Variants in GPBP1L1 observed in about 807,000 individuals in gnomAD.
GPBP1L1 encodes the protein vasculin-like protein 1.
A neutral mutation model predicts 52.5 loss-of-function variants in GPBP1L1; 23 were observed. That is an observed-to-expected ratio of 0.44 (90% CI 0.32 to 0.62). GPBP1L1 has a LOEUF of 0.62. Among genes scored for constraint, GPBP1L1 ranks in the 20% least tolerant of loss-of-function variants. The pLI is 0.06. For synonymous variants in GPBP1L1, 243 were observed against 203.1 expected (o/e 1.20, Z -1.67); for missense variants, 596 against 579.3 (o/e 1.03, Z -0.30).
chr1:45,673,096 G>C (rs143849006), intron 2 of GPBP1L1, among the ~76,000 whole-genome samples: 2 of 152,312 alleles, frequency 1.3e-5, no homozygotes, highest in East Asian at 3.9e-4. Context: ...AGCTGATACA[G>C]AAAACTGCTG....
chr1:45,665,808 C>T (rs1459055032), intron 2 of GPBP1L1, among the ~76,000 whole-genome samples: 2 of 150,724 alleles, frequency 1.3e-5, no homozygotes, highest in African/African-American at 2.4e-5. Flanking sequence ...ACTTCTTTTC[C>T]ACCTGTTACT....
intron 4 of GPBP1L1, chr1:45,658,824 C>A: frequency 1.9e-6 from 1 of 538,358 alleles, no homozygotes; most frequent in Non-Finnish European, 3.3e-6. Flanking sequence ...AGCCTGTAGG[C>A]CCAGCTACTC....
intron 2 of GPBP1L1, among the ~76,000 whole-genome samples, chr1:45,665,512 A>G (rs1198662028): frequency 6.6e-6 from 1 of 152,056 alleles, no homozygotes; most frequent in Non-Finnish European, 1.5e-5. Flanking sequence ...GCACTTTGAG[A>G]GTCTGAGGCA....
intron 4 of GPBP1L1, among the ~76,000 whole-genome samples, chr1:45,656,891 C>T (rs1006574403): frequency 7.9e-5 from 12 of 151,912 alleles, no homozygotes; most frequent in African/African-American, 2.7e-4. Flanking sequence ...CACTTTGCTG[C>T]CCAAGCTGGT....
chr1:45,653,372 A>G (rs995081917), intron 6 of GPBP1L1, among the ~76,000 whole-genome samples: 1 of 152,122 alleles, frequency 6.6e-6, no homozygotes, highest in Non-Finnish European at 1.5e-5. Flanking sequence ...AGTCTGTATA[A>G]GAAACAAAAA....
intron 2 of GPBP1L1, among the ~76,000 whole-genome samples, chr1:45,669,619 C>A (rs3013593): frequency 3.9e-5 from 4 of 102,970 alleles, no homozygotes; most frequent in East Asian, 2.3e-4. Flanking sequence ...TGGGTATGAC[C>A]CCCCCTCCAA....
At chr1:45,645,236 T>C (rs1035860715) in intron 6 of GPBP1L1, among the ~76,000 whole-genome samples, 24 of 152,132 alleles carry the variant, frequency 1.6e-4, no homozygotes, top group Non-Finnish European at 1.5e-5. Flanking sequence ...TGCTATGGGG[T>C]TGTTCACTGT....
rs113388167 is a variant in GPBP1L1, at chr1:45,643,658, C to CTTTTTT, written c.478-1165_478-1160dup. Among the ~76,000 whole-genome samples the CTTTTTT allele has an allele frequency of 2.8e-3, 181 of 65,148 alleles. 16 individuals carry two copies. The highest frequency in any genetic ancestry group is 0.011 in the African/African-American group (167 of 15,660). The allele number at this position is 65,148 out of a possible 152,430, so 42.7% of individuals were successfully genotyped here. A position where few individuals can be genotyped will look rare whatever the true frequency, so the allele number is the denominator to read the frequency against. ...ATCTGGTAACAGGGTAGGAGAATGG[C>CTTTTTT]TTTTTTTTTTTTTTTTTTTTTTTTT... On this transcript the variant is annotated intron_variant, in intron 6 of 12. Coordinates refer to ENST00000355105, the MANE Select transcript of GPBP1L1 (RefSeq NM_021639.5).
chr1:45,659,866 G>C (rs960333739), intron 3 of GPBP1L1, among the ~76,000 whole-genome samples: 3 of 152,252 alleles, frequency 2.0e-5, no homozygotes, highest in Admixed American at 2.0e-4. Flanking sequence ...ACCTGAGCTG[G>C]GAAGGTTGAG....
At position 45,642,514 on chromosome 1, in the gene GPBP1L1, A is replaced by T; in HGVS notation, c.478-15T>A. On this transcript the variant is annotated splice_polypyrimidine_tract_variant and intron_variant, in intron 6 of 12. Transcript: ENST00000355105. ...TTCAAGGAAGGCTAGGAAAAAAGGGATATGAATGGTTGATACAGAAAGCTG... is the reference window on the plus strand; with the variant it reads ...TTCAAGGAAGGCTAGGAAAAAAGGGTTATGAATGGTTGATACAGAAAGCTG... The T allele has an allele frequency of 6.2e-7, 1 of 1,606,986 alleles. No individual in the cohort carries two copies. The highest frequency in any genetic ancestry group is 8.5e-7 in the Non-Finnish European group (1 of 1,173,536).
intron 2 of GPBP1L1, among the ~76,000 whole-genome samples, chr1:45,670,772 A>G (rs1645064042): frequency 1.4e-5 from 2 of 146,218 alleles, no homozygotes; most frequent in Non-Finnish European, 3.0e-5. Context: ...ATATTTCTAC[A>G]CTACTACCAT....
Position 45,634,113 on chromosome 1 carries a change from G to A in GPBP1L1, c.868C>T (p.Leu290=), listed in dbSNP as rs967380440. ...TCACTCACCTCTTTGGGAGAACTCA[G>A]AGCTGCACCACTAGCCAGTACCACT... ...KPVVLASGAA[L]SSPKESPSST... is the part of the protein sequence containing the mutation. The change falls in exon 9 of 13, where the codon CTG becomes TTG. Residue 290 remains leucine, a synonymous_variant. Transcript: ENST00000355105. 2.5e-6 allele frequency: 4 copies of A among 1,612,566 alleles called. No individual in the cohort carries two copies. In the African/African-American group the frequency reaches 5.3e-5, roughly 22 times the overall value.
intron 10 of GPBP1L1, among the ~76,000 whole-genome samples, chr1:45,631,326 G>C (rs1208860541): frequency 6.6e-6 from 1 of 152,010 alleles, no homozygotes; most frequent in Admixed American, 6.6e-5. Flanking sequence ...GCAGTGGCGC[G>C]ATCTCGGCTC....
chr1:45,649,498 C>A (rs978281160), intron 6 of GPBP1L1, among the ~76,000 whole-genome samples: 32 of 151,200 alleles, frequency 2.1e-4, no homozygotes, highest in Non-Finnish European at 4.4e-5. Context: ...GACTACAGGC[C>A]AGTTATTTTG....
chr1:45,628,553 C>CT (rs1436160179), intron 12 of GPBP1L1, 145 bp from the exon 13 acceptor site: 2 of 615,076 alleles, frequency 3.3e-6, no homozygotes, highest in African/African-American at 3.7e-5. Context: ...TCTGAGATCT[C>CT]TTATACCAGT....
In GPBP1L1 at chr1:45,642,481, C is replaced by G. The variant is rs1349015103; in HGVS notation, c.496G>C (p.Ala166Pro). Residue 166 changes from alanine (A) to proline (P), a missense_variant, in exon 7 of 13, where the codon GCT (alanine) becomes CCT (proline). Ala to Pro is a conservative substitution (Grantham distance 27). Transcript: ENST00000355105. ...EEDFPSLNPE[A>P]GKQHQPCRPI... ...CTGCATGGCTGATGCTGTTTGCCAG[C>G]TTCTGGATTCAAGGAAGGCTAGGAA... The G allele has an allele frequency of 6.2e-7, 1 of 1,613,800 alleles. No homozygotes were observed. Among genetic ancestry groups the G allele is most frequent in the East Asian group, 2.2e-5 (1 of 44,888 alleles).
Position 45,634,078 on chromosome 1 carries a change from T to G in GPBP1L1, c.885+18A>C. 6.3e-7 allele frequency: 1 copy of G among 1,592,430 alleles called. No homozygotes were observed. The highest frequency in any genetic ancestry group is 8.6e-7 in the Non-Finnish European group (1 of 1,166,222). On this transcript the variant is annotated intron_variant, in intron 9 of 12. Transcript: ENST00000355105. Reference sequence around the variant, plus strand: ...ATGGCAATTTCAGAAAAGACTGTCCTGCTTCATCCTCACTCACCTCTTTGG... The same window carrying G: ...ATGGCAATTTCAGAAAAGACTGTCCGGCTTCATCCTCACTCACCTCTTTGG...
intron 2 of GPBP1L1, among the ~76,000 whole-genome samples, chr1:45,684,773 AT>A (rs1178330011): frequency 1.3e-5 from 2 of 152,194 alleles, no homozygotes; most frequent in Admixed American, 1.3e-4. Flanking sequence ...AACTTTAAAT[AT>A]TTTTCCTGTA....
chr1:45,658,747 T>C, intron 4 of GPBP1L1: 1 of 388,536 alleles, frequency 2.6e-6, no homozygotes, highest in South Asian at 5.5e-5. Context: ...CTGGGCAACA[T>C]GGTGAAATTC....
Sources: allele counts gnomAD v4.1 joint callset (sites outside exome capture counted in the v4.1 genomes callset), GRCh38; gene constraint gnomAD v4.1.1; transcripts MANE v1.5; gene names NCBI Gene and HGNC (gene_info 2026-07-23, HGNC 2026-07-21).